The following KIAA1328 variants were observed in gnomAD, a reference collection of about 807,000 sequenced individuals.
KIAA1328 encodes the protein KIAA1328.
In KIAA1328, 52 loss-of-function variants were observed where a neutral mutation model predicts 68.1. The ratio of observed to expected loss-of-function variants is 0.76; its 90% CI spans 0.61 to 0.96. The LOEUF is 0.96. Ranked by LOEUF, KIAA1328 falls within the 40% of genes least tolerant of loss-of-function variation. The pLI is 0.00. For synonymous variants in KIAA1328, 232 were observed against 239.4 expected (o/e 0.97, Z 0.28); for missense variants, 641 against 677.6 (o/e 0.95, Z 0.60).
At chr18:36,835,748 A>G (rs183278178) in intron 3 of KIAA1328, among the ~76,000 whole-genome samples, 101 of 152,314 alleles carry the variant, frequency 6.6e-4, no homozygotes, top group Admixed American at 1.4e-3. Flanking sequence ...GAACCCTCGT[A>G]AAGATGAGGG....
chr18:37,118,725 A>C (rs144601906), intron 7 of KIAA1328, among the ~76,000 whole-genome samples: 2 of 152,306 alleles, frequency 1.3e-5, no homozygotes, highest in African/African-American at 4.8e-5. Context: ...CCTCTAGACC[A>C]ACAGACCCTA....
chr18:37,093,588 A>T (rs969597202), intron 7 of KIAA1328, among the ~76,000 whole-genome samples: 1 of 152,204 alleles, frequency 6.6e-6, no homozygotes. Flanking sequence ...CATTGGAATA[A>T]CCCAGTCAGA....
At chr18:37,004,827 A>G (rs1279897022) in intron 6 of KIAA1328, among the ~76,000 whole-genome samples, 2 of 152,120 alleles carry the variant, frequency 1.3e-5, no homozygotes, top group Non-Finnish European at 2.9e-5. Context: ...ACAATTCACA[A>G]TTGCAAAAAT....
Position 36,959,349 on chromosome 18 carries a change from C to T in KIAA1328, c.490C>T (p.Leu164=). 2 of 1,605,984 alleles carry T rather than the reference C, an allele frequency of 1.2e-6. No individual in the cohort carries two copies. The highest frequency in any genetic ancestry group is 1.7e-6 in the Non-Finnish European group (2 of 1,176,378). ...QYRECQELLS[L]YQKYLSEQQE... Reference sequence around the variant, plus strand: ...TAGAGAATGCCAAGAACTTCTAAGCCTGTATCAGAAATATTTATCAGAACA... The same window carrying T: ...TAGAGAATGCCAAGAACTTCTAAGCTTGTATCAGAAATATTTATCAGAACA... The change falls in exon 6 of 10, where the codon CTG becomes TTG. Residue 164 remains leucine, a synonymous_variant. Coordinates refer to ENST00000280020, the MANE Select transcript of KIAA1328 (RefSeq NM_020776.3).
chr18:36,890,261 T>C (rs1378811788), intron 5 of KIAA1328, among the ~76,000 whole-genome samples: 3 of 151,734 alleles, frequency 2.0e-5, no homozygotes, highest in African/African-American at 7.3e-5. Context: ...AAAATCACCT[T>C]TATTTGCATG....
intron 4 of KIAA1328, among the ~76,000 whole-genome samples, chr18:36,844,730 G>A (rs2046970880): frequency 6.6e-6 from 1 of 151,810 alleles, no homozygotes; most frequent in African/African-American, 2.4e-5. Flanking sequence ...TCAATTGATG[G>A]ATTTTGAATT....
chr18:37,223,837 C>A lies in KIAA1328; in HGVS notation c.*1610C>A, dbSNP rs1373781725. On this transcript the variant is annotated 3_prime_UTR_variant, in exon 10 of 10. Coordinates refer to ENST00000280020, the MANE Select transcript of KIAA1328 (RefSeq NM_020776.3). Reference sequence around the variant, plus strand: ...CTTCTTTCACTTGGGGTTTTTTATTCTTTGGAGTAGAAAAGAATGGAGCCC... The same window carrying A: ...CTTCTTTCACTTGGGGTTTTTTATTATTTGGAGTAGAAAAGAATGGAGCCC... 2 of 984,860 alleles carry A rather than the reference C, an allele frequency of 2.0e-6. No homozygotes were observed. Among genetic ancestry groups the A allele is most frequent in the Non-Finnish European group, 2.4e-6 (2 of 829,640 alleles). The allele number at this position is 984,860 out of a possible 1,614,324, so 61.0% of individuals were successfully genotyped here. A position where few individuals can be genotyped will look rare whatever the true frequency, so the allele number is the denominator to read the frequency against.
intron 7 of KIAA1328, among the ~76,000 whole-genome samples, chr18:37,149,138 C>A (rs1208971671): frequency 6.6e-6 from 1 of 152,106 alleles, no homozygotes; most frequent in Non-Finnish European, 1.5e-5. Flanking sequence ...GCAAAAAGAA[C>A]AAAGCTGGAG....
intron 4 of KIAA1328, among the ~76,000 whole-genome samples, chr18:36,863,776 A>G (rs2047649505): frequency 6.6e-6 from 1 of 152,080 alleles, no homozygotes; most frequent in Non-Finnish European, 1.5e-5. Flanking sequence ...GCAATTGTAA[A>G]AGGTATTATA....
At chr18:37,077,086 T>C (rs924346463) in intron 7 of KIAA1328, among the ~76,000 whole-genome samples, 102 of 151,634 alleles carry the variant, frequency 6.7e-4, no homozygotes, top group Admixed American at 1.1e-3. Flanking sequence ...AAATCCTCAA[T>C]AAAATACTGG....
chr18:37,218,003 A>C (rs910645768), intron 9 of KIAA1328, among the ~76,000 whole-genome samples: 2 of 152,254 alleles, frequency 1.3e-5, no homozygotes, highest in Admixed American at 1.3e-4. Flanking sequence ...GCTAATGCTC[A>C]AAATTCTCTT....
chr18:37,002,232 T>C (rs1325498349), intron 6 of KIAA1328, among the ~76,000 whole-genome samples: 7 of 126,494 alleles, frequency 5.5e-5, no homozygotes, highest in African/African-American at 1.0e-4. Flanking sequence ...TTTTTTCTTT[T>C]TTTTTTTTTT....
intron 6 of KIAA1328, among the ~76,000 whole-genome samples, chr18:37,010,380 T>C (rs1230784245): frequency 2.1e-5 from 3 of 139,840 alleles, no homozygotes; most frequent in African/African-American, 8.2e-5. Context: ...GAGGTGGAGA[T>C]TGCAGTGAGC....
intron 6 of KIAA1328, among the ~76,000 whole-genome samples, chr18:37,055,431 TTAGTTCA>T (rs1358609830): frequency 3.9e-5 from 6 of 152,186 alleles, no homozygotes; most frequent in African/African-American, 1.2e-4. Flanking sequence ...CTGTAAGTAT[TTAGTTCA>T]TATGCTTAGA....
chr18:37,084,423 C>T, intron 7 of KIAA1328: 2 of 322,200 alleles, frequency 6.2e-6, no homozygotes, highest in East Asian at 9.7e-5. Flanking sequence ...CATAATCCTA[C>T]AACTTTGAGA....
intron 6 of KIAA1328, among the ~76,000 whole-genome samples, chr18:37,006,646 G>A (rs1001983239): frequency 1.3e-5 from 2 of 151,970 alleles, no homozygotes; most frequent in Non-Finnish European, 2.9e-5. Context: ...ATTTACATTA[G>A]GTATAATGCT....
At position 37,089,144 on chromosome 18, in the gene KIAA1328, G is replaced by A. The variant is rs1376865437; in HGVS notation, c.1232+21599G>A. 3.9e-5 allele frequency among the ~76,000 whole-genome samples: 6 copies of A among 152,078 alleles called. No homozygotes were observed. In the East Asian group the frequency reaches 9.7e-4, roughly 25 times the overall value. On this transcript the variant is annotated intron_variant, in intron 7 of 9. Transcript: ENST00000280020. ...TAATAATTTCCTAGGAGGGTGTGGTGGGGGAGGGGACGTGTATATGTGTGT... is the reference window on the plus strand; with the variant it reads ...TAATAATTTCCTAGGAGGGTGTGGTAGGGGAGGGGACGTGTATATGTGTGT...
intron 7 of KIAA1328, among the ~76,000 whole-genome samples, chr18:37,117,395 G>A (rs1019420788): frequency 1.3e-5 from 2 of 152,156 alleles, no homozygotes; most frequent in African/African-American, 2.4e-5. Flanking sequence ...CGCAAGGACA[G>A]GAAACCAAAC....
At chr18:37,186,195 C>T (rs746395316) in intron 9 of KIAA1328, among the ~76,000 whole-genome samples, 2 of 144,990 alleles carry the variant, frequency 1.4e-5, no homozygotes, top group Non-Finnish European at 3.0e-5. Flanking sequence ...CTCCCAGGTA[C>T]AAGGGATTCT....
Sources: gnomAD v4.1 joint callset for allele counts (sites outside exome capture counted in the v4.1 genomes callset) on GRCh38, gnomAD v4.1.1 for gene constraint, MANE v1.5 for transcripts, NCBI Gene and HGNC (gene_info 2026-07-23, HGNC 2026-07-21) for gene names.